Variants in TAF1 observed in about 807,000 individuals in gnomAD.
The protein encoded by TAF1 is transcription initiation factor TFIID subunit 1.
TAF1 carries 2 observed loss-of-function variants against 138.5 expected under a neutral mutation model. That is an observed-to-expected ratio of 0.01 (90% CI 0.01 to 0.05). The LOEUF is 0.05. TAF1 is among the 10% of genes least tolerant of loss of function. The pLI is 1.00. For missense variants in TAF1, 709 were observed against 1,478.0 expected (o/e 0.48, Z 8.53); for synonymous variants, 437 against 503.2 (o/e 0.87, Z 1.76).
intron 3 of TAF1, among the ~76,000 whole-genome samples, chrX:71,369,611 T>G (rs2032873048): frequency 9.6e-6 from 1 of 104,504 alleles, no homozygotes; most frequent in African/African-American, 3.5e-5. Context: ...GTTTCTTTTT[T>G]TTTTTTTTTT....
chrX:71,396,184 C>G (rs1197010496), intron 22 of TAF1, among the ~76,000 whole-genome samples: 1 of 109,311 alleles, frequency 9.1e-6, no homozygotes, highest in African/African-American at 3.3e-5. Flanking sequence ...TGAACAAGAT[C>G]CTCAGGTGAT....
intron 13 of TAF1, among the ~76,000 whole-genome samples, chrX:71,519,977 T>G (rs768936530): frequency 9.3e-6 from 1 of 107,721 alleles, no homozygotes; most frequent in South Asian, 4.2e-4. Flanking sequence ...GGCTAATTTT[T>G]TTGTTGTTGT....
chrX:71,375,179 A>T lies in TAF1; in HGVS notation c.365A>T (p.Asp122Val), dbSNP rs1555963601. ...QPLCHSDYDE[D>V]DYDADCEDID... ...TTGGTTTTATTAGATTATGATGAAG[A>T]TGACTATGATGCTGATTGTGAAGAC... The change falls in exon 4 of 38, where the codon GAT becomes GTT. Residue 122 changes from aspartate (D) to valine (V), a missense_variant. Around this residue, in one of 14 missense-constraint regions of TAF1, gnomAD observed 123 missense variants for 161.6 expected, o/e 0.76. Transcript: ENST00000423759. 8.3e-7 allele frequency: 1 copy of T among 1,209,535 alleles called. No homozygotes were observed. The highest frequency in any genetic ancestry group is 1.8e-5 in the South Asian group (1 of 56,634).
intron 20 of TAF1, 104 bp from the exon 21 acceptor site, chrX:71,393,197 G>T: frequency 9.0e-7 from 1 of 1,111,067 alleles, no homozygotes; most frequent in Non-Finnish European, 1.2e-6. Flanking sequence ...GTGTACATTG[G>T]CTTGTCCTTT....
chrX:71,506,340 C>T (rs1434587790), intron 13 of TAF1, among the ~76,000 whole-genome samples: 1 of 103,731 alleles, frequency 9.6e-6, no homozygotes, highest in African/African-American at 3.5e-5. Context: ...ACAATGTTAG[C>T]GCCACTGCAC....
chrX:71,397,061 A>G (rs1362877955), intron 22 of TAF1, among the ~76,000 whole-genome samples, 192 bp from the exon 23 acceptor site: 1 of 108,886 alleles, frequency 9.2e-6, no homozygotes, highest in African/African-American at 3.3e-5. Flanking sequence ...AAGTGGGGAA[A>G]TTGGCAGTGC....
At chrX:71,372,198 G>C (rs1417656373) in intron 3 of TAF1, among the ~76,000 whole-genome samples, 2 of 110,708 alleles carry the variant, frequency 1.8e-5, no homozygotes, top group Non-Finnish European at 3.8e-5. Context: ...TTGGGAGGCT[G>C]AGGTGGACGG....
At chrX:71,459,288 G>T in intron 35 of TAF1, 2 of 1,129,298 alleles carry the variant, frequency 1.8e-6, no homozygotes, top group Non-Finnish European at 1.2e-6. Context: ...GTTACGTTAT[G>T]CCCTTATATG....
chrX:71,452,951 C>G (rs902911935), intron 32 of TAF1, among the ~76,000 whole-genome samples: 4 of 111,902 alleles, frequency 3.6e-5, no homozygotes, highest in South Asian at 7.4e-4. Flanking sequence ...ATCGCAGGCA[C>G]TCGGCAGGCT....
At chrX:71,508,835 C>T (rs1295637625) in intron 13 of TAF1, among the ~76,000 whole-genome samples, 1 of 105,288 alleles carries the variant, frequency 9.5e-6, no homozygotes, top group East Asian at 2.9e-4. Context: ...GAGATGGGGT[C>T]TCACTCTGTT....
intron 32 of TAF1, among the ~76,000 whole-genome samples, chrX:71,440,864 A>T (rs2037376722): frequency 9.0e-6 from 1 of 111,068 alleles, no homozygotes. Context: ...CTAATGGCTA[A>T]TGATGTTGGG....
intron 13 of TAF1, among the ~76,000 whole-genome samples, chrX:71,497,574 C>T (rs1003637250): frequency 6.3e-5 from 7 of 111,649 alleles, no homozygotes; most frequent in Non-Finnish European, 9.4e-5. Flanking sequence ...TCCTTACTTA[C>T]GTATGCCACT....
chrX:71,455,141 C>A lies in TAF1; in HGVS notation c.4938+284C>A, dbSNP rs773311425. The stretch of plus-strand genomic sequence containing the variant: ...ATCAGATCCCTGACCCAGCCATCCT[C>A]TGGGTCTCGGGAATTTTCTTGTCCA... On this transcript the variant is annotated intron_variant, in intron 34 of 37. Transcript: ENST00000423759. 3.2e-6 allele frequency: 3 copies of A among 940,799 alleles called. No homozygotes were observed. In the Admixed American group the frequency reaches 8.8e-5, roughly 27 times the overall value. 77.5% of individuals were successfully genotyped at this position (940,799 alleles called of 1,213,427 possible). A position where few individuals can be genotyped will look rare whatever the true frequency, so the allele number is the denominator to read the frequency against.
intron 32 of TAF1, among the ~76,000 whole-genome samples, chrX:71,453,001 G>C (rs2038098743): frequency 9.0e-6 from 1 of 111,529 alleles, no homozygotes; most frequent in African/African-American, 3.3e-5. Flanking sequence ...AGTGAGCCGA[G>C]ATGGCAGCAG....
chrX:71,442,127 T>C (rs1251113811), intron 32 of TAF1, among the ~76,000 whole-genome samples: 1 of 111,456 alleles, frequency 9.0e-6, no homozygotes, highest in Middle Eastern at 4.3e-3. Flanking sequence ...GCAATAAACA[T>C]GTGTGCATGT....
intron 28 of TAF1, chrX:71,420,521 A>T (rs2036273928): frequency 8.3e-7 from 1 of 1,205,817 alleles, no homozygotes; most frequent in East Asian, 3.0e-5. Flanking sequence ...CAATGACATG[A>T]TCACTGGGCC....
intron 32 of TAF1, among the ~76,000 whole-genome samples, chrX:71,446,527 T>C (rs1405422296): frequency 1.2e-4 from 13 of 111,823 alleles, no homozygotes; most frequent in Non-Finnish European, 1.9e-5. Flanking sequence ...ACCATCCCAT[T>C]AGTAGCCAGT....
chrX:71,490,453 GTC>G (rs752681228), intron 13 of TAF1, among the ~76,000 whole-genome samples: 4 of 110,794 alleles, frequency 3.6e-5, no homozygotes, highest in South Asian at 7.6e-4. Flanking sequence ...TTGAGACGGA[GTC>G]TCTCTCTGTC....
chrX:71,481,364 G>A (rs920635640), intron 13 of TAF1, among the ~76,000 whole-genome samples: 4 of 112,338 alleles, frequency 3.6e-5, no homozygotes, highest in Non-Finnish European at 7.5e-5. Flanking sequence ...TACAAATCAT[G>A]AAGGCATTCC....
Sources: allele counts gnomAD v4.1 joint callset (sites outside exome capture counted in the v4.1 genomes callset), GRCh38; gene constraint gnomAD v4.1.1; regional missense constraint gnomAD v4.1.1; transcripts MANE v1.5; gene names NCBI Gene and HGNC (gene_info 2026-07-23, HGNC 2026-07-21).